Variants in BRI3 observed in about 807,000 individuals in gnomAD.
BRI3 encodes brain protein I3.
BRI3 carries 6 observed loss-of-function variants against 12.8 expected under a neutral mutation model. The observed-to-expected ratio is 0.47, with a 90% CI of 0.26 to 0.93. BRI3 has a LOEUF of 0.93. BRI3 is among the 40% of genes least tolerant of loss of function. BRI3 has a pLI of 0.15. For synonymous variants in BRI3, 91 were observed against 76.1 expected (o/e 1.20, Z -1.02); for missense variants, 134 against 171.1 (o/e 0.78, Z 1.21).
At chr7:98,302,863 C>A (rs1800485728), upstream of BRI3, among the ~76,000 whole-genome samples, 1 of 152,194 alleles carries the variant, frequency 6.6e-6, no homozygotes, top group South Asian at 2.1e-4. Flanking sequence ...CAGTTCACAG[C>A]AGCCTCGAAC....
chr7:98,283,665 A>G (rs1480118679), intron 2 of BRI3, among the ~76,000 whole-genome samples: 2 of 152,166 alleles, frequency 1.3e-5, no homozygotes, highest in African/African-American at 4.8e-5. Context: ...ATGGAGGAGC[A>G]GAGGGTCTGC....
At chr7:98,300,179 G>A (rs527332032) in intron 1 of BRI3, among the ~76,000 whole-genome samples, 8 of 152,298 alleles carry the variant, frequency 5.3e-5, no homozygotes, top group Admixed American at 1.3e-4. Flanking sequence ...TGTGCTGCTC[G>A]TCTCTGACAC....
chr7:98,288,788 A>AAGTTGGAGGGGG (rs1773527825), intron 2 of BRI3, among the ~76,000 whole-genome samples: 1 of 150,564 alleles, frequency 6.6e-6, no homozygotes. Context: ...TTTTGTAGGG[A>AAGTTGGAGGGGG]GGGGTCTTTG....
chr7:98,291,034 TGCAAGGGTG>T (rs1364524378), intron 2 of BRI3, 68 bp from the exon 3 acceptor site: 5 of 1,557,170 alleles, frequency 3.2e-6, no homozygotes, highest in African/African-American at 2.7e-5. Context: ...GGTTATTGAA[TGCAAGGGTG>T]GCAGGGGTGA....
rs1465338961 is a variant in BRI3, at chr7:98,301,507, C to T, written c.72-4976C>T. Among the ~76,000 whole-genome samples the T allele has an allele frequency of 2.1e-5, 3 of 142,054 alleles. No individual in the cohort carries two copies. In the Admixed American group the frequency reaches 2.2e-4, roughly 10 times the overall value. The allele number at this position is 142,054 out of a possible 152,430, so 93.2% of individuals were successfully genotyped here. On this transcript the variant is annotated intron_variant and NMD_transcript_variant, in intron 1 of 2. Coordinates refer to the BRI3 transcript ENST00000491463. Reference sequence around the variant, plus strand: ...TATATATATATATTTTAAGTGGAGACGGGATTTCACCGTGTTAGCCAGGAT... The same window carrying T: ...TATATATATATATTTTAAGTGGAGATGGGATTTCACCGTGTTAGCCAGGAT...
intron 1 of BRI3, among the ~76,000 whole-genome samples, chr7:98,299,846 G>T (rs1800349069): frequency 6.6e-6 from 1 of 152,024 alleles, no homozygotes; most frequent in Admixed American, 6.6e-5. Flanking sequence ...TTCGAGACCA[G>T]CCTGGCCAAC....
At chr7:98,293,487 C>T, downstream of BRI3, 2 of 1,592,524 alleles carry the variant, frequency 1.3e-6, no homozygotes, top group Non-Finnish European at 8.6e-7. Context: ...CAAGGGAGAA[C>T]CGGAGAGGCC....
chr7:98,304,739 G>A (rs887473993), upstream of BRI3, among the ~76,000 whole-genome samples: 4 of 151,622 alleles, frequency 2.6e-5, no homozygotes, highest in Admixed American at 6.6e-5. Context: ...AGTTGAGATG[G>A]GGTTTCACCA....
chr7:98,313,535 A>G (rs1250750980), downstream of BRI3, among the ~76,000 whole-genome samples: 1 of 152,080 alleles, frequency 6.6e-6, no homozygotes, highest in Non-Finnish European at 1.5e-5. Context: ...TCTAAAGTGA[A>G]CTCTACATTC....
chr7:98,296,834 C>T (rs528369133), downstream of BRI3, among the ~76,000 whole-genome samples: 13 of 152,220 alleles, frequency 8.5e-5, no homozygotes, highest in South Asian at 4.1e-4. Flanking sequence ...TTGGCACATA[C>T]GGTGCCTCTT....
In BRI3 at chr7:98,291,318, T is replaced by G; in HGVS notation, c.*75T>G. On this transcript the variant is annotated 3_prime_UTR_variant, in exon 3 of 3. Transcript: ENST00000297290. ...TAAATGTTGTGTACAATAATTTTATTTGATTAAGCTTCAGGACTGTTTTGT... is the reference window on the plus strand; with the variant it reads ...TAAATGTTGTGTACAATAATTTTATGTGATTAAGCTTCAGGACTGTTTTGT... 1 of 1,584,322 alleles carries G rather than the reference T, an allele frequency of 6.3e-7. No individual in the cohort carries two copies. The highest frequency in any genetic ancestry group is 1.4e-5 in the African/African-American group (1 of 74,034).
chr7:98,290,609 C>T (rs1799896526), intron 2 of BRI3, among the ~76,000 whole-genome samples: 1 of 152,228 alleles, frequency 6.6e-6, no homozygotes, highest in African/African-American at 2.4e-5. Flanking sequence ...AGCGATTCTC[C>T]TGCCTCAGCC....
At chr7:98,288,484 G>A (rs1389694118) in intron 2 of BRI3, among the ~76,000 whole-genome samples, 1 of 151,846 alleles carries the variant, frequency 6.6e-6, no homozygotes, top group Non-Finnish European at 1.5e-5. Context: ...TTAAATAGGG[G>A]ACACATTTGT....
chr7:98,294,549 T>C (rs547713449), downstream of BRI3, among the ~76,000 whole-genome samples: 1 of 152,340 alleles, frequency 6.6e-6, no homozygotes, highest in South Asian at 2.1e-4. Flanking sequence ...TCGGAAACAG[T>C]TTCACAAAAT....
At position 98,306,617 on chromosome 7, in the gene BRI3, C is replaced by T. The variant is rs944779309; in HGVS notation, n.96C>T. 4.2e-5 allele frequency: 64 copies of T among 1,539,986 alleles called. No individual in the cohort carries two copies. The Middle Eastern group carries it at 5.1e-4, about 12-fold the overall frequency. ...GAGCTCAGGGCAGACAGGTCCACTG[C>T]TCCAGAAACGCCCATGTGTGGAGGA... On this transcript the variant is annotated non_coding_transcript_exon_variant, in exon 1 of 2. Transcript: ENST00000485422.
intron 2 of BRI3, chr7:98,282,838 G>A (rs543990875): frequency 4.0e-5 from 8 of 198,942 alleles, no homozygotes; most frequent in South Asian, 3.2e-4. Flanking sequence ...GCAGTTGATC[G>A]TCGAAGGTGG....
At chr7:98,295,103 C>T (rs904199477), downstream of BRI3, among the ~76,000 whole-genome samples, 5 of 152,230 alleles carry the variant, frequency 3.3e-5, no homozygotes, top group African/African-American at 9.6e-5. Flanking sequence ...TCAGGGAGCA[C>T]GCAGACCTCT....
At chr7:98,287,961 A>G (rs1420093221) in intron 2 of BRI3, among the ~76,000 whole-genome samples, 1 of 152,084 alleles carries the variant, frequency 6.6e-6, no homozygotes, top group Non-Finnish European at 1.5e-5. Context: ...CCTGCCTCTC[A>G]GCAGCTTTGG....
chr7:98,303,999 CAAG>C, upstream of BRI3, among the ~76,000 whole-genome samples: 1 of 152,320 alleles, frequency 6.6e-6, no homozygotes, highest in East Asian at 1.9e-4. Context: ...GGGCTGAAGT[CAAG>C]GAGGTGAAAG....
Sources: gnomAD v4.1 joint callset for allele counts (sites outside exome capture counted in the v4.1 genomes callset) on GRCh38, gnomAD v4.1.1 for gene constraint, MANE v1.5 for transcripts, NCBI Gene and HGNC (gene_info 2026-07-23, HGNC 2026-07-21) for gene names.